Variants in PCNX1 observed in about 807,000 individuals in gnomAD.
The protein encoded by PCNX1 is pecanex-like protein 1.
Under a neutral mutation model 242.2 loss-of-function variants are expected in PCNX1, and 78 were observed. The observed-to-expected ratio is 0.32, with a 90% CI of 0.27 to 0.39. The LOEUF (loss-of-function observed/expected upper bound fraction) is 0.39. Ranked by LOEUF, PCNX1 falls within the 10% of genes least tolerant of loss-of-function variation. The pLI is 1.00. For synonymous variants in PCNX1, 1,024 were observed against 1,032.9 expected, an observed-to-expected ratio of 0.99 and a Z score of 0.17; for missense variants, 2,581 against 2,856.5, an observed-to-expected ratio of 0.90 and a Z score of 2.20.
rs2062819133 is a variant in PCNX1, at chr14:71,114,656, T to G, written c.*4721T>G. Reference sequence around the variant, plus strand: ...TTATATGACAACTCTGTTCTAAGACTTATACCTATTATATAGGGTTATACC... The same window carrying G: ...TTATATGACAACTCTGTTCTAAGACGTATACCTATTATATAGGGTTATACC... On this transcript the variant is annotated 3_prime_UTR_variant, in exon 36 of 36. Transcript: ENST00000304743. 6.6e-6 allele frequency: 1 copy of G among 150,734 alleles called. No homozygotes were observed. Among genetic ancestry groups the G allele is most frequent in the Non-Finnish European group, 1.5e-5 (1 of 67,636 alleles). 9.3% of individuals were successfully genotyped at this position (150,734 alleles called of 1,614,324 possible). A position where few individuals can be genotyped will look rare whatever the true frequency, so the allele number is the denominator to read the frequency against.
intron 5 of PCNX1, among the ~76,000 whole-genome samples, chr14:70,975,336 A>G (rs1025697586): frequency 9.9e-6 from 1 of 100,680 alleles, no homozygotes; most frequent in Non-Finnish European, 1.9e-5. Context: ...GGAAAATAAT[A>G]AAGAACGGGT....
At chr14:71,020,235 A>G (rs180771636) in intron 12 of PCNX1, among the ~76,000 whole-genome samples, 144 of 152,342 alleles carry the variant, frequency 9.5e-4, no homozygotes, top group Non-Finnish European at 1.5e-3. Context: ...CAGTGCTGCA[A>G]TAAACATACG....
chr14:71,074,069 G>A (rs1566777365), intron 27 of PCNX1, among the ~76,000 whole-genome samples: 2 of 152,118 alleles, frequency 1.3e-5, no homozygotes, highest in Non-Finnish European at 2.9e-5. Flanking sequence ...TAAGGAATAT[G>A]TACACACAAA....
intron 1 of PCNX1, among the ~76,000 whole-genome samples, chr14:70,920,966 A>G (rs1054639488): frequency 2.6e-5 from 4 of 152,174 alleles, no homozygotes; most frequent in African/African-American, 4.8e-5. Flanking sequence ...GGGCAAATTA[A>G]TCTTTGTTCT....
chr14:71,006,901 T>C (rs2059684751), intron 8 of PCNX1, among the ~76,000 whole-genome samples: 1 of 152,166 alleles, frequency 6.6e-6, no homozygotes, highest in Non-Finnish European at 1.5e-5. Flanking sequence ...GACTACACCA[T>C]GAGGCCTTAT....
intron 8 of PCNX1, among the ~76,000 whole-genome samples, chr14:71,001,748 C>T (rs2059511600): frequency 6.6e-6 from 1 of 152,172 alleles, no homozygotes; most frequent in Admixed American, 6.5e-5. Flanking sequence ...AGGAGAGACC[C>T]TTCCAAAATC....
At chr14:71,066,818 A>C (rs1048932048) in intron 26 of PCNX1, among the ~76,000 whole-genome samples, 1 of 152,166 alleles carries the variant, frequency 6.6e-6, no homozygotes, top group Non-Finnish European at 1.5e-5. Flanking sequence ...TTTAGCATGA[A>C]GGGCTGTTGA....
In PCNX1 at chr14:70,907,737, A is replaced by C; in HGVS notation, c.-114A>C. 1.8e-6 allele frequency: 2 copies of C among 1,121,946 alleles called. No homozygotes were observed. Among genetic ancestry groups the C allele is most frequent in the Non-Finnish European group, 2.2e-6 (2 of 911,106 alleles). The allele number at this position is 1,121,946 out of a possible 1,614,324, so 69.5% of individuals were successfully genotyped here. On this transcript the variant is annotated 5_prime_UTR_variant, in exon 1 of 36. Coordinates refer to ENST00000304743, the MANE Select transcript of PCNX1 (RefSeq NM_014982.3). ...CCGAAGCGCCGGCTCGCTCACCCGG[A>C]GCTCCGGAGGTGGATAGACGGGGCA... is the stretch of plus-strand genomic sequence containing the variant.
chr14:70,956,750 C>T (rs2058011202), intron 2 of PCNX1, among the ~76,000 whole-genome samples: 1 of 152,012 alleles, frequency 6.6e-6, no homozygotes, highest in Non-Finnish European at 1.5e-5. Context: ...TATTTCTGTC[C>T]TCCCCTCCCA....
At chr14:71,016,031 T>C (rs1048298382) in intron 11 of PCNX1, among the ~76,000 whole-genome samples, 2 of 151,876 alleles carry the variant, frequency 1.3e-5, no homozygotes, top group African/African-American at 2.4e-5. Context: ...TCTACCAAAA[T>C]AAAATAAAAA....
Position 71,110,071 on chromosome 14 carries a change from G to A in PCNX1, c.*136G>A, listed in dbSNP as rs2062726419. ...AGCGACTGAAAATAGAATGAGCTTGGTTAAGCACCTCTCCTTTGCCCTTCA... is the reference window on the plus strand; with the variant it reads ...AGCGACTGAAAATAGAATGAGCTTGATTAAGCACCTCTCCTTTGCCCTTCA... On this transcript the variant is annotated 3_prime_UTR_variant, in exon 36 of 36. Transcript: ENST00000304743. The A allele has an allele frequency of 1.3e-6, 1 of 786,872 alleles. No individual in the cohort carries two copies. 48.7% of individuals were successfully genotyped at this position (786,872 alleles called of 1,614,324 possible).
chr14:71,031,954 A>T (rs1345227971), intron 16 of PCNX1: 1 of 1,372,394 alleles, frequency 7.3e-7, no homozygotes, highest in African/African-American at 1.4e-5. Flanking sequence ...GGCAAACTTC[A>T]TGGCTCTTTC....
intron 1 of PCNX1, among the ~76,000 whole-genome samples, chr14:70,924,256 GAA>G (rs917788375): frequency 2.1e-5 from 3 of 144,120 alleles, no homozygotes; most frequent in African/African-American, 7.6e-5. Flanking sequence ...AAAAGAAAAA[GAA>G]AAAACAGAAA....
intron 29 of PCNX1, among the ~76,000 whole-genome samples, chr14:71,088,838 T>C (rs983395344): frequency 6.6e-6 from 1 of 152,212 alleles, no homozygotes; most frequent in Non-Finnish European, 1.5e-5. Context: ...CTAAACTGAA[T>C]TTCCTAACAT....
chr14:70,952,768 A>G (rs923789119), intron 2 of PCNX1, among the ~76,000 whole-genome samples: 3 of 152,110 alleles, frequency 2.0e-5, no homozygotes, highest in Admixed American at 1.3e-4. Flanking sequence ...GTACATGTGT[A>G]TATCTAGTTT....
intron 27 of PCNX1, among the ~76,000 whole-genome samples, chr14:71,075,207 C>T (rs1241129075): frequency 1.3e-5 from 2 of 151,956 alleles, no homozygotes; most frequent in Non-Finnish European, 2.9e-5. Flanking sequence ...GTTGCCCAGG[C>T]TCTCAAACTC....
intron 24 of PCNX1, among the ~76,000 whole-genome samples, chr14:71,053,109 C>T (rs755433473): frequency 6.6e-6 from 1 of 152,156 alleles, no homozygotes; most frequent in Non-Finnish European, 1.5e-5. Context: ...AACTTTTACT[C>T]TGGTCCTTTA....
rs922196760 is a variant in PCNX1, at chr14:71,114,594, T to G, written c.*4659T>G. The G allele has an allele frequency of 6.6e-6, 1 of 152,664 alleles. No individual in the cohort carries two copies. Among genetic ancestry groups the G allele is most frequent in the Non-Finnish European group, 1.5e-5 (1 of 68,040 alleles). 9.5% of individuals were successfully genotyped at this position (152,664 alleles called of 1,614,324 possible). Reference sequence around the variant, plus strand: ...GCCATTTTGTGGAATCAACCTTACATTCTTTGGTGGAACTAGAGCTGATTG... The same window carrying G: ...GCCATTTTGTGGAATCAACCTTACAGTCTTTGGTGGAACTAGAGCTGATTG... On this transcript the variant is annotated 3_prime_UTR_variant, in exon 36 of 36. Transcript: ENST00000304743.
At chr14:71,039,902 G>C (rs1171846198) in intron 19 of PCNX1, among the ~76,000 whole-genome samples, 1 of 152,180 alleles carries the variant, frequency 6.6e-6, no homozygotes, top group Non-Finnish European at 1.5e-5. Flanking sequence ...ACCATGTTTA[G>C]TGCCCTGCAT....
Sources: allele counts gnomAD v4.1 joint callset (sites outside exome capture counted in the v4.1 genomes callset), GRCh38; gene constraint gnomAD v4.1.1; transcripts MANE v1.5; gene names NCBI Gene and HGNC (gene_info 2026-07-23, HGNC 2026-07-21).